Variants in ANK2 observed in about 807,000 individuals in gnomAD.
ANK2 encodes ankyrin 2, also known as ankyrin-2.
In ANK2, 83 loss-of-function variants were observed where a neutral mutation model predicts 360.5. The observed-to-expected ratio is 0.23, with a 90% CI of 0.19 to 0.28. The LOEUF is 0.28. ANK2 is among the 10% of genes least tolerant of loss of function. The pLI, the probability that ANK2 is intolerant of heterozygous loss-of-function variation, is 1.00. For synonymous variants in ANK2, 1,740 were observed against 1,759.5 expected, an observed-to-expected ratio of 0.99 and a Z score of 0.28; for missense variants, 4,201 against 4,795.7, an observed-to-expected ratio of 0.88 and a Z score of 3.66.
chr4:112,732,382 A>G, the ANK2 span, among the ~76,000 whole-genome samples: 1 of 150,764 alleles, frequency 6.6e-6, no homozygotes, highest in Middle Eastern at 3.4e-3. Flanking sequence ...CCGAGTAGCT[A>G]CAGGCACTAC....
intron 1 of ANK2, among the ~76,000 whole-genome samples, chr4:113,147,233 C>T (rs981025609): frequency 3.9e-5 from 6 of 152,172 alleles, no homozygotes; most frequent in East Asian, 1.9e-4. Flanking sequence ...CGTTAACAAC[C>T]GCACAGGCGA....
intron 4 of ANK2, among the ~76,000 whole-genome samples, chr4:113,220,531 T>G (rs536753329): frequency 1.1e-4 from 17 of 152,376 alleles, no homozygotes; most frequent in African/African-American, 4.1e-4. Flanking sequence ...TTTGTTTACT[T>G]TCTCTATGAT....
upstream of ANK2, among the ~76,000 whole-genome samples, chr4:113,047,633 G>A (rs1171604958): frequency 6.6e-6 from 1 of 152,144 alleles, no homozygotes; most frequent in East Asian, 1.9e-4. Context: ...CACAGTGGGA[G>A]TTGGGCTTCT....
intron 14 of ANK2, among the ~76,000 whole-genome samples, chr4:113,271,207 T>C (rs1047238760): frequency 2.0e-5 from 3 of 152,208 alleles, no homozygotes; most frequent in African/African-American, 7.2e-5. Context: ...GGTTTCTAAT[T>C]AGTCACATTC....
At chr4:113,288,620 T>C in intron 20 of ANK2, 134 bp downstream of exon 20, 3 of 754,744 alleles carry the variant, frequency 4.0e-6, no homozygotes, top group Admixed American at 2.5e-5. Flanking sequence ...GACGAGGTGA[T>C]GTAGTTTTGT....
intron 1 of ANK2, among the ~76,000 whole-genome samples, chr4:112,876,292 C>A (rs879656009): frequency 4.6e-5 from 7 of 152,140 alleles, no homozygotes; most frequent in African/African-American, 9.7e-5. Flanking sequence ...TTTCTACGTA[C>A]TTTAAAATGT....
intron 24 of ANK2, among the ~76,000 whole-genome samples, chr4:113,315,454 C>T (rs2082231529): frequency 1.3e-5 from 2 of 152,198 alleles, no homozygotes; most frequent in Non-Finnish European, 2.9e-5. Flanking sequence ...GCTAAATTTT[C>T]ATTTTCCCTT....
the ANK2 span, among the ~76,000 whole-genome samples, chr4:112,807,412 T>A: frequency 6.6e-6 from 1 of 152,186 alleles, no homozygotes; most frequent in Non-Finnish European, 1.5e-5. Context: ...AGTTTCAGGT[T>A]GTAAGGAAGA....
chr4:113,278,666 A>G (rs1224142668), intron 17 of ANK2, 108 bp downstream of exon 17: 4 of 1,077,656 alleles, frequency 3.7e-6, no homozygotes, highest in South Asian at 1.3e-5. Context: ...GACTAGTCCT[A>G]GCGATAGTAG....
chr4:113,041,268 T>C (rs1278864984), intron 2 of ANK2, among the ~76,000 whole-genome samples: 1 of 152,142 alleles, frequency 6.6e-6, no homozygotes, highest in East Asian at 1.9e-4. Flanking sequence ...CCTGTTGAGC[T>C]CTTCACTCCC....
At chr4:112,828,684 A>G (rs2058999205) in intron 1 of ANK2, among the ~76,000 whole-genome samples, 3 of 152,232 alleles carry the variant, frequency 2.0e-5, no homozygotes, top group Admixed American at 2.0e-4. Context: ...AATGGGACCT[A>G]ATTAAAGTAA....
At position 113,348,297 on chromosome 4, in the gene ANK2, C is replaced by A. The variant is rs761254386; in HGVS notation, c.4393C>A (p.Gln1465Lys). 1.6e-5 allele frequency: 26 copies of A among 1,613,240 alleles called. No individual in the cohort carries two copies. The highest frequency in any genetic ancestry group is 2.0e-5 in the Non-Finnish European group (24 of 1,179,536). ...YTKESESDQEQEEEIDMTSEK... is the reference protein window; with the variant it reads ...YTKESESDQEKEEEIDMTSEK... ...AAAGGAATCAGAGTCAGATCAAGAACAGGAGGAAGAGGTAATTTTATGACA... is the reference window on the plus strand; with the variant it reads ...AAAGGAATCAGAGTCAGATCAAGAAAAGGAGGAAGAGGTAATTTTATGACA... The change falls in exon 36 of 46, where the codon CAG becomes AAG. Residue 1465 changes from glutamine to lysine, a missense_variant. Physicochemically the swap from Gln to Lys is moderately conservative, Grantham distance 53. Transcript: ENST00000357077.
intron 29 of ANK2, among the ~76,000 whole-genome samples, chr4:113,334,306 G>A (rs1050780566): frequency 1.3e-5 from 2 of 152,006 alleles, no homozygotes; most frequent in Non-Finnish European, 2.9e-5. Context: ...AAAAATCAGG[G>A]TTTTTATTAA....
At chr4:112,908,271 T>G (rs973684328) in intron 2 of ANK2, among the ~76,000 whole-genome samples, 1 of 152,222 alleles carries the variant, frequency 6.6e-6, no homozygotes, top group Non-Finnish European at 1.5e-5. Flanking sequence ...GAGGTGGATA[T>G]TATAACTTGG....
At chr4:112,864,221 G>A (rs1235784849) in intron 1 of ANK2, among the ~76,000 whole-genome samples, 1 of 152,202 alleles carries the variant, frequency 6.6e-6, no homozygotes, top group African/African-American at 2.4e-5. Flanking sequence ...AAAAGAGTTT[G>A]TTCCATTGAT....
At position 113,373,161 on chromosome 4, in the gene ANK2, C is replaced by A; in HGVS notation, c.11682C>A (p.Thr3894=). ...AATACATTGATGAGCATGGACACAC[C>A]GTGGTAAAGAAGGTATTGTCTAGTA... ...EEEYIDEHGH[T]VVKKVTRKII... is the part of the protein sequence containing the mutation. Residue 3894 remains threonine (T), a synonymous_variant, in exon 44 of 46, where the codon ACC becomes ACA. Transcript: ENST00000357077. 1 of 1,613,796 alleles carries A rather than the reference C, an allele frequency of 6.2e-7. No individual in the cohort carries two copies. The highest frequency in any genetic ancestry group is 8.5e-7 in the Non-Finnish European group (1 of 1,179,822).
the ANK2 span, among the ~76,000 whole-genome samples, chr4:112,753,504 G>A: frequency 6.6e-6 from 1 of 152,294 alleles, no homozygotes; most frequent in African/African-American, 2.4e-5. Context: ...ATAAAATGAA[G>A]CTGAGACCTG....
the ANK2 span, among the ~76,000 whole-genome samples, chr4:112,753,895 T>C: frequency 6.6e-6 from 1 of 151,772 alleles, no homozygotes; most frequent in Non-Finnish European, 1.5e-5. Context: ...GTCAGGAGTT[T>C]GAGACCAGCC....
intron 1 of ANK2, among the ~76,000 whole-genome samples, chr4:113,127,723 T>C (rs2095752522): frequency 6.6e-6 from 1 of 152,102 alleles, no homozygotes; most frequent in Non-Finnish European, 1.5e-5. Flanking sequence ...AAGAAGTAGC[T>C]GAACTCAGTG....
Sources: gnomAD v4.1 joint callset for allele counts (sites outside exome capture counted in the v4.1 genomes callset) on GRCh38, gnomAD v4.1.1 for gene constraint, MANE v1.5 for transcripts, NCBI Gene and HGNC (gene_info 2026-07-23, HGNC 2026-07-21) for gene names.